CNTNAP2: variants seen among roughly 807,000 people sequenced by gnomAD.
CNTNAP2 encodes the protein contactin-associated protein-like 2.
A neutral mutation model predicts 155.2 loss-of-function variants in CNTNAP2; 98 were observed. The observed-to-expected ratio is 0.63, with a 90% CI of 0.54 to 0.75. CNTNAP2 has a LOEUF of 0.75. CNTNAP2 is among the 30% of genes least tolerant of loss of function. The pLI is 0.00. For synonymous variants in CNTNAP2, 651 were observed against 631.2 expected (o/e 1.03, Z -0.47); for missense variants, 1,727 against 1,688.1 (o/e 1.02, Z -0.40).
At chr7:146,563,694 A>C (rs1798315193) in intron 1 of CNTNAP2, among the ~76,000 whole-genome samples, 3 of 152,132 alleles carry the variant, frequency 2.0e-5, no homozygotes, top group Non-Finnish European at 1.5e-5. Context: ...AGAACAGGCA[A>C]TGCAATATCT....
intron 13 of CNTNAP2, among the ~76,000 whole-genome samples, chr7:147,667,809 A>T (rs1795721797): frequency 7.2e-6 from 1 of 138,236 alleles, no homozygotes; most frequent in Admixed American, 7.1e-5. Flanking sequence ...AAAAAAAAAT[A>T]ATAAAAAAAA....
intron 1 of CNTNAP2, among the ~76,000 whole-genome samples, chr7:146,460,231 A>G (rs1173406431): frequency 1.3e-5 from 2 of 152,222 alleles, no homozygotes; most frequent in East Asian, 3.8e-4. Context: ...TCAATACATT[A>G]CTTGTTTTAA....
At chr7:147,518,678 T>A (rs1169232280) in intron 11 of CNTNAP2, among the ~76,000 whole-genome samples, 1 of 152,186 alleles carries the variant, frequency 6.6e-6, no homozygotes, top group Non-Finnish European at 1.5e-5. Context: ...AACCCTGGAT[T>A]CTGTGCTTTG....
chr7:146,661,598 G>A (rs1256117488), intron 1 of CNTNAP2, among the ~76,000 whole-genome samples: 1 of 152,066 alleles, frequency 6.6e-6, no homozygotes, highest in East Asian at 1.9e-4. Flanking sequence ...TGTATAGCAT[G>A]TATCAGTAGT....
At chr7:147,455,801 A>G (rs1797908669) in intron 10 of CNTNAP2, among the ~76,000 whole-genome samples, 1 of 152,142 alleles carries the variant, frequency 6.6e-6, no homozygotes, top group Non-Finnish European at 1.5e-5. Flanking sequence ...AAAATTGAAT[A>G]CCACATTATA....
At chr7:147,182,191 A>C (rs1802474793) in intron 8 of CNTNAP2, among the ~76,000 whole-genome samples, 2 of 151,892 alleles carry the variant, frequency 1.3e-5, no homozygotes, top group Admixed American at 6.6e-5. Flanking sequence ...AACAAAAGCA[A>C]AGTTCTTTGT....
At chr7:147,763,497 A>G (rs1211381067) in intron 13 of CNTNAP2, among the ~76,000 whole-genome samples, 9 of 151,872 alleles carry the variant, frequency 5.9e-5, no homozygotes, top group Admixed American at 5.9e-4. Flanking sequence ...TGACAGTTGC[A>G]AAGAAGAGAA....
chr7:147,909,462 G>A (rs1281091132), intron 14 of CNTNAP2, among the ~76,000 whole-genome samples: 1 of 152,138 alleles, frequency 6.6e-6, no homozygotes, highest in Non-Finnish European at 1.5e-5. Flanking sequence ...GAGCATGATT[G>A]GGTCTCACAA....
chr7:148,205,642 G>C (rs1459216051), intron 18 of CNTNAP2, among the ~76,000 whole-genome samples: 1 of 152,170 alleles, frequency 6.6e-6, no homozygotes, highest in African/African-American at 2.4e-5. Flanking sequence ...TGAGGTCTCA[G>C]TCAACTGAAT....
chr7:146,612,884 G>C (rs1268894892), intron 1 of CNTNAP2, among the ~76,000 whole-genome samples: 1 of 146,522 alleles, frequency 6.8e-6, no homozygotes, highest in African/African-American at 2.5e-5. Flanking sequence ...GTTCAATGTT[G>C]TTTAATCTTA....
intron 3 of CNTNAP2, among the ~76,000 whole-genome samples, chr7:146,968,113 T>A (rs1228398327): frequency 6.6e-6 from 1 of 151,302 alleles, no homozygotes; most frequent in African/African-American, 2.4e-5. Context: ...GGATTACATT[T>A]ATTGATTTGC....
At chr7:147,141,597 T>C (rs1249608650) in intron 8 of CNTNAP2, among the ~76,000 whole-genome samples, 1 of 152,090 alleles carries the variant, frequency 6.6e-6, no homozygotes, top group Non-Finnish European at 1.5e-5. Flanking sequence ...CAGGGCCCCT[T>C]TCAGCTAGTG....
intron 8 of CNTNAP2, among the ~76,000 whole-genome samples, chr7:147,163,252 TAAAA>T (rs1010621152): frequency 8.5e-5 from 13 of 152,114 alleles, no homozygotes; most frequent in African/African-American, 2.9e-4. Context: ...AGGCTGTGCA[TAAAA>T]GAAGAACAAC....
chr7:147,995,275 A>C (rs563048834), intron 15 of CNTNAP2, among the ~76,000 whole-genome samples: 4 of 152,290 alleles, frequency 2.6e-5, no homozygotes, highest in Admixed American at 1.3e-4. Context: ...CATTCTTATT[A>C]ATCAGTTAAC....
chr7:146,309,816 G>C (rs916271378), intron 1 of CNTNAP2, among the ~76,000 whole-genome samples: 38 of 145,088 alleles, frequency 2.6e-4, no homozygotes, highest in African/African-American at 9.1e-4. Context: ...ACAAAAAAAA[G>C]AAAGAAGAAA....
chr7:147,785,714 G>A (rs769613431), intron 13 of CNTNAP2, among the ~76,000 whole-genome samples: 7 of 152,220 alleles, frequency 4.6e-5, no homozygotes, highest in Non-Finnish European at 7.3e-5. Context: ...GCTACAGACT[G>A]GGTGCAGTGG....
intron 4 of CNTNAP2, among the ~76,000 whole-genome samples, chr7:147,068,828 A>T (rs970208294): frequency 6.6e-6 from 1 of 152,174 alleles, no homozygotes; most frequent in Non-Finnish European, 1.5e-5. Context: ...CGTGAAATAC[A>T]TCTTAATATT....
chr7:148,349,626 C>A (rs1798392455), intron 21 of CNTNAP2, among the ~76,000 whole-genome samples: 1 of 152,104 alleles, frequency 6.6e-6, no homozygotes, highest in Non-Finnish European at 1.5e-5. Flanking sequence ...TGGTCTCGAT[C>A]TCCTGACCTC....
intron 3 of CNTNAP2, among the ~76,000 whole-genome samples, chr7:146,917,732 C>A (rs1167960303): frequency 6.6e-6 from 1 of 152,076 alleles, no homozygotes; most frequent in South Asian, 2.1e-4. Context: ...CTCACAAGAT[C>A]TGACGGTTTT....
Sources: gnomAD v4.1 joint callset for allele counts (sites outside exome capture counted in the v4.1 genomes callset) on GRCh38, gnomAD v4.1.1 for gene constraint, MANE v1.5 for transcripts, NCBI Gene and HGNC (gene_info 2026-07-23, HGNC 2026-07-21) for gene names.